Variants in PFKFB3 observed in about 807,000 individuals in gnomAD.
PFKFB3 encodes the protein 6-phosphofructo-2-kinase/fructose-2,6-biphosphatase 3.
Under a neutral mutation model 68.0 loss-of-function variants are expected in PFKFB3, and 33 were observed. The ratio of observed to expected loss-of-function variants is 0.49; its 90% CI spans 0.37 to 0.65. The LOEUF (loss-of-function observed/expected upper bound fraction) is 0.65, where lower values mean the gene tolerates loss of function less well. Among genes scored for constraint, PFKFB3 ranks in the 30% least tolerant of loss-of-function variants. The pLI, the probability that PFKFB3 is intolerant of heterozygous loss-of-function variation, is 0.00. For missense variants in PFKFB3, 586 were observed against 712.2 expected (o/e 0.82, Z 2.02); for synonymous variants, 315 against 288.2 (o/e 1.09, Z -0.94).
chr10:6,206,205 C>T (rs1328025078), intron 1 of PFKFB3, among the ~76,000 whole-genome samples: 8 of 145,100 alleles, frequency 5.5e-5, no homozygotes, highest in East Asian at 2.0e-4. Context: ...CATCTTGCAC[C>T]GCCCTTAATC....
chr10:6,160,360 C>A (rs1414277404), intron 1 of PFKFB3, among the ~76,000 whole-genome samples: 1 of 148,968 alleles, frequency 6.7e-6, no homozygotes, highest in East Asian at 2.4e-4. Flanking sequence ...TGATTGCTCC[C>A]ACCCTCTCTA....
Position 6,233,016 on chromosome 10 carries a change from A to C in PFKFB3, c.*74A>C. Reference sequence around the variant, plus strand: ...TGTCCTGCCCTCCGCCCGAGGCAAAACGTATCCTGAGGACTTCTTCCGGAG... The same window carrying C: ...TGTCCTGCCCTCCGCCCGAGGCAAACCGTATCCTGAGGACTTCTTCCGGAG... On this transcript the variant is annotated 3_prime_UTR_variant, in exon 15 of 15. Coordinates refer to ENST00000379775, the MANE Select transcript of PFKFB3 (RefSeq NM_004566.4). The C allele has an allele frequency of 8.4e-7, 1 of 1,194,590 alleles. No individual in the cohort carries two copies. Among genetic ancestry groups the C allele is most frequent in the Non-Finnish European group, 1.3e-6 (1 of 798,930 alleles). The allele number at this position is 1,194,590 out of a possible 1,614,324, so 74.0% of individuals were successfully genotyped here. A position where few individuals can be genotyped will look rare whatever the true frequency, so the allele number is the denominator to read the frequency against.
At chr10:6,312,443 C>G in the PFKFB3 span, among the ~76,000 whole-genome samples, 1 of 152,102 alleles carries the variant, frequency 6.6e-6, no homozygotes, top group Non-Finnish European at 1.5e-5. Context: ...CAGCGGTGTG[C>G]CAAGAATGGG....
At chr10:6,277,037 C>G in the PFKFB3 span, among the ~76,000 whole-genome samples, 1 of 152,072 alleles carries the variant, frequency 6.6e-6, no homozygotes, top group Non-Finnish European at 1.5e-5. Flanking sequence ...CTAACCTGTT[C>G]CCCATTGCTG....
the PFKFB3 span, among the ~76,000 whole-genome samples, chr10:6,269,398 A>G: frequency 6.6e-6 from 1 of 152,112 alleles, no homozygotes. Flanking sequence ...GGCCCAATAA[A>G]TCCTCTTGTC....
At chr10:6,320,140 A>G in the PFKFB3 span, among the ~76,000 whole-genome samples, 6,370 of 152,214 alleles carry the variant, frequency 0.042, 443 homozygotes, top group African/African-American at 0.14. Flanking sequence ...GGTTGAGGCT[A>G]CAGTGAGCTG....
chr10:6,255,470 A>G (rs1367024583), downstream of PFKFB3, among the ~76,000 whole-genome samples: 2 of 152,222 alleles, frequency 1.3e-5, no homozygotes, highest in Admixed American at 1.3e-4. Context: ...GCAAAATTTA[A>G]TACATTTGTT....
rs184334084 is a variant in PFKFB3 at position 6,228,970 on chromosome 10, C to T, written c.1515+2605C>T. The T allele has an allele frequency of 2.4e-6, 1 of 421,858 alleles. No individual in the cohort carries two copies. Among genetic ancestry groups the T allele is most frequent in the Non-Finnish European group, 5.0e-6 (1 of 200,744 alleles). 26.1% of individuals were successfully genotyped at this position (421,858 alleles called of 1,614,324 possible). ...TGTTCCCACTGCTCTGGGATCCCTT[C>T]CCCACCAGGAGCAGAGGCCTTCCTG... On this transcript the variant is annotated intron_variant, in intron 14 of 14. Transcript: ENST00000379775. This position sits in a 1 kb window ranked among gnomAD's most constrained non-coding sequence, Gnocchi z 4.5.
chr10:6,221,704 C>T lies in PFKFB3; in HGVS notation c.1042C>T (p.Arg348Trp), dbSNP rs746812707. The change falls in exon 10 of 15, where the codon CGG (arginine) becomes TGG (tryptophan). Residue 348 changes from arginine (R) to tryptophan (W), a missense_variant. Coordinates refer to ENST00000379775, the MANE Select transcript of PFKFB3 (RefSeq NM_004566.4). Reference sequence around the variant, plus strand: ...CACCTACCCTGAGGAGTATGCGCTGCGGGAGCAGGACAAGTACTATTACCG... The same window carrying T: ...CACCTACCCTGAGGAGTATGCGCTGTGGGAGCAGGACAAGTACTATTACCG... ...RDTYPEEYAL[R>W]EQDKYYYRYP... 6 of 1,609,112 alleles carry T rather than the reference C, an allele frequency of 3.7e-6. No individual in the cohort carries two copies. Among genetic ancestry groups the T allele is most frequent in the South Asian group, 2.2e-5 (2 of 89,998 alleles).
chr10:6,199,069 G>A (rs562984972), upstream of PFKFB3, among the ~76,000 whole-genome samples: 1 of 152,266 alleles, frequency 6.6e-6, no homozygotes, highest in South Asian at 2.1e-4. Context: ...CCGTGTCTTT[G>A]GCTGGTGATG....
chr10:6,152,884 A>G (rs1450398183), intron 1 of PFKFB3, among the ~76,000 whole-genome samples: 1 of 152,080 alleles, frequency 6.6e-6, no homozygotes, highest in African/African-American at 2.4e-5. Flanking sequence ...TTGTCTTTAA[A>G]AAAAGGAAGA....
intron 6 of PFKFB3, among the ~76,000 whole-genome samples, chr10:6,218,423 T>G (rs1844737041): frequency 1.4e-5 from 2 of 142,058 alleles, no homozygotes; most frequent in Admixed American, 1.4e-4. Context: ...TTTATTTATT[T>G]ATTTATTTAT....
At chr10:6,149,127 A>G (rs949207849) in intron 1 of PFKFB3, among the ~76,000 whole-genome samples, 2 of 151,950 alleles carry the variant, frequency 1.3e-5, no homozygotes, top group African/African-American at 4.8e-5. Context: ...GACTCATCTC[A>G]GGTGATGGAG....
At chr10:6,225,428 C>T (rs1418627053) in intron 13 of PFKFB3, among the ~76,000 whole-genome samples, 1 of 152,194 alleles carries the variant, frequency 6.6e-6, no homozygotes, top group African/African-American at 2.4e-5. Flanking sequence ...GGATGCTGTC[C>T]TGCCTTTAGC....
chr10:6,221,291 ACAGCCCTACGTGGGCTGCCTGCTC>A, intron 8 of PFKFB3, 66 bp from the exon 9 acceptor site: 1 of 1,485,402 alleles, frequency 6.7e-7, no homozygotes. Context: ...CAGGTAGTGC[ACAGCCCTACGTGGGCTGCCTGCTC>A]CAGCCCTGGC....
chr10:6,268,023 T>C, the PFKFB3 span, among the ~76,000 whole-genome samples: 1 of 147,756 alleles, frequency 6.8e-6, no homozygotes, highest in East Asian at 2.0e-4. Flanking sequence ...TGTTAAACCA[T>C]GTGTAGTGTC....
rs201470692 is a variant in PFKFB3 at position 6,211,386 on chromosome 10, GTC to G, written c.77-2233_77-2232del. Among the ~76,000 whole-genome samples, 1,256 of 152,338 alleles carry G rather than the reference GTC, an allele frequency of 8.2e-3. 7 individuals carry two copies. The highest frequency in any genetic ancestry group is 0.013 in the Non-Finnish European group (888 of 68,024). On this transcript the variant is annotated intron_variant, in intron 1 of 14. Transcript: ENST00000379775. The stretch of plus-strand genomic sequence containing the variant: ...CAGCTGAGAGTATGTGTGTGCGTCT[GTC>G]TCTGCATATCTGGGTGCTCTTAGGA...
the PFKFB3 span, among the ~76,000 whole-genome samples, chr10:6,266,355 C>T: frequency 1.3e-5 from 2 of 152,148 alleles, no homozygotes; most frequent in Non-Finnish European, 2.9e-5. Flanking sequence ...GGCATGCTCT[C>T]CTCTTCTGCT....
intron 1 of PFKFB3, among the ~76,000 whole-genome samples, chr10:6,182,883 C>T (rs1370531647): frequency 6.6e-6 from 1 of 152,190 alleles, no homozygotes; most frequent in East Asian, 1.9e-4. Context: ...CCTTCCCAGC[C>T]CCCCAGGGTC....
Sources: gnomAD v4.1 joint callset for allele counts (sites outside exome capture counted in the v4.1 genomes callset) on GRCh38, gnomAD v4.1.1 for gene constraint, Gnocchi (gnomAD v3.1) non-coding constraint, MANE v1.5 for transcripts, NCBI Gene and HGNC (gene_info 2026-07-23, HGNC 2026-07-21) for gene names.